NAF1: variants seen among roughly 807,000 people sequenced by gnomAD.
The protein encoded by NAF1 is nuclear assembly factor 1 ribonucleoprotein.
NAF1 carries 11 observed loss-of-function variants against 40.6 expected under a neutral mutation model. The ratio of observed to expected loss-of-function variants is 0.27; its 90% confidence interval spans 0.17 to 0.45. NAF1 has a LOEUF of 0.45. Ranked by LOEUF, NAF1 falls within the 20% of genes least tolerant of loss-of-function variation. The probability of loss-of-function intolerance (pLI) is 1.00; values close to 1 mark genes in which losing one functional copy is unlikely to be tolerated. For synonymous variants in NAF1, 260 were observed against 228.5 expected, an observed-to-expected ratio of 1.14 and a Z score of -1.24; for missense variants, 607 against 611.1, an observed-to-expected ratio of 0.99 and a Z score of 0.07.
chr4:163,122,215 T>C (rs1730537416), downstream of NAF1, among the ~76,000 whole-genome samples: 1 of 152,224 alleles, frequency 6.6e-6, no homozygotes, highest in Admixed American at 6.5e-5. Context: ...CACTTCTTTA[T>C]ATTTAATAAA....
intron 1 of NAF1, among the ~76,000 whole-genome samples, 159 bp from the exon 2 acceptor site, chr4:163,164,550 A>G (rs764701258): frequency 1.3e-5 from 2 of 151,808 alleles, no homozygotes; most frequent in African/African-American, 2.4e-5. Context: ...CAACTTTACT[A>G]CATGTTTACT....
Position 163,166,544 on chromosome 4 carries a change from C to T in NAF1, c.184G>A (p.Ala62Thr), listed in dbSNP as rs1244115091. 6.3e-7 allele frequency: 1 copy of T among 1,587,022 alleles called. No individual in the cohort carries two copies. The highest frequency in any genetic ancestry group is 8.6e-7 in the Non-Finnish European group (1 of 1,167,612). The change falls in exon 1 of 8, where the codon GCC (alanine) becomes ACC (threonine). Residue 62 changes from alanine to threonine, a missense_variant. Transcript: ENST00000274054. ...DAGQTVEVKP[A>T]GEQPLQPVLN... ...ACGGGCTGCAGAGGCTGCTCCCCGG[C>T]AGGCTTAACCTCCACGGTCTGCCCA...
chr4:163,143,914 T>C (rs79047852), intron 4 of NAF1: 163 of 502,906 alleles, frequency 3.2e-4, no homozygotes, highest in African/African-American at 3.1e-3. Flanking sequence ...AGTATTCTAA[T>C]CTATTAGTTA....
At chr4:163,161,161 T>C (rs1327501464) in intron 2 of NAF1, among the ~76,000 whole-genome samples, 2 of 151,884 alleles carry the variant, frequency 1.3e-5, no homozygotes, top group Non-Finnish European at 2.9e-5. Context: ...CTGAAATCCA[T>C]GTATAAGCTA....
intron 2 of NAF1, among the ~76,000 whole-genome samples, chr4:163,111,688 G>C (rs1398597946): frequency 3.3e-5 from 5 of 152,088 alleles, no homozygotes; most frequent in African/African-American, 1.2e-4. Context: ...TACCTTAAGA[G>C]ACAGGGAAAA....
chr4:163,137,029 G>T (rs1029842447), intron 6 of NAF1, among the ~76,000 whole-genome samples, 170 bp downstream of exon 6: 1 of 152,084 alleles, frequency 6.6e-6, no homozygotes, highest in Non-Finnish European at 1.5e-5. Context: ...TCACTGAAAG[G>T]TATGAAATAG....
intron 2 of NAF1, among the ~76,000 whole-genome samples, chr4:163,155,834 A>G (rs1254243234): frequency 6.6e-6 from 1 of 152,210 alleles, no homozygotes; most frequent in Admixed American, 6.5e-5. Flanking sequence ...AGGGGAAAAT[A>G]CGGCCAGAAA....
downstream of NAF1, among the ~76,000 whole-genome samples, chr4:163,125,123 G>A (rs1013630032): frequency 3.9e-5 from 6 of 152,102 alleles, no homozygotes; most frequent in Admixed American, 3.3e-4. Flanking sequence ...CACATCTGCT[G>A]TTTCCTTTTC....
rs186777371 is a variant in NAF1, at chr4:163,161,636, G to C, written c.540+2581C>G. On this transcript the variant is annotated intron_variant, in intron 2 of 7. Transcript: ENST00000274054. ...GCTGCCTTAGTTCCCAGCTGCTTTC[G>C]AATAAACTTCCATTTCTCCTGAGGT... Among the ~76,000 whole-genome samples the C allele has an allele frequency of 2.3e-4, 35 of 151,084 alleles. No homozygotes were observed. The East Asian group carries it at 6.2e-3, about 27-fold the overall frequency.
chr4:163,148,653 C>T (rs1283176980), intron 2 of NAF1, among the ~76,000 whole-genome samples: 1 of 152,126 alleles, frequency 6.6e-6, no homozygotes, highest in Non-Finnish European at 1.5e-5. Flanking sequence ...CAAGTATACA[C>T]CCCAAATTCA....
downstream of NAF1, among the ~76,000 whole-genome samples, chr4:163,106,631 T>C (rs1560771944): frequency 6.6e-6 from 1 of 152,158 alleles, no homozygotes; most frequent in African/African-American, 2.4e-5. Flanking sequence ...GTTTCTTATA[T>C]TAATACAGAA....
chr4:163,148,245 C>G, intron 3 of NAF1, 96 bp downstream of exon 3: 1 of 640,252 alleles, frequency 1.6e-6, no homozygotes. Flanking sequence ...GTGTTAATTA[C>G]GTATGTCAAA....
downstream of NAF1, among the ~76,000 whole-genome samples, chr4:163,123,047 TAAGAA>T (rs1193127893): frequency 6.6e-6 from 1 of 152,210 alleles, no homozygotes; most frequent in Non-Finnish European, 1.5e-5. Flanking sequence ...AGTAATTTAT[TAAGAA>T]AAGAGGTTTA....
chr4:163,161,090 A>G (rs1478102039), intron 2 of NAF1, among the ~76,000 whole-genome samples: 2 of 152,004 alleles, frequency 1.3e-5, no homozygotes, highest in Admixed American at 1.3e-4. Flanking sequence ...GAAATACAAC[A>G]CTAATTAGCC....
intron 2 of NAF1, chr4:163,157,580 C>A (rs1031928806): frequency 6.6e-6 from 1 of 151,650 alleles, no homozygotes; most frequent in African/African-American, 2.4e-5. Context: ...TATACTAGAT[C>A]CCAATAAAAA....
chr4:163,134,163 A>G (rs1019358753), intron 6 of NAF1, among the ~76,000 whole-genome samples: 3 of 152,142 alleles, frequency 2.0e-5, no homozygotes, highest in African/African-American at 7.2e-5. Context: ...CAGGCATTTT[A>G]TTATTCTATT....
At chr4:163,160,382 G>T (rs72697010) in intron 2 of NAF1, among the ~76,000 whole-genome samples, 10,203 of 147,038 alleles carry the variant, frequency 0.069, 407 homozygotes, top group Non-Finnish European at 0.092. Flanking sequence ...AAAAAACTGG[G>T]TTATAACCAC....
At chr4:163,121,843 T>C (rs1303218254), downstream of NAF1, among the ~76,000 whole-genome samples, 1 of 152,234 alleles carries the variant, frequency 6.6e-6, no homozygotes, top group East Asian at 1.9e-4. Flanking sequence ...CTCAGCCAGA[T>C]TGGGAAAGAC....
At chr4:163,153,674 T>A (rs1199727298) in intron 2 of NAF1, among the ~76,000 whole-genome samples, 4 of 152,156 alleles carry the variant, frequency 2.6e-5, no homozygotes, top group South Asian at 4.1e-4. Flanking sequence ...AGAACCTTTG[T>A]ATCTAGCTCA....
Sources: allele counts gnomAD v4.1 joint callset (sites outside exome capture counted in the v4.1 genomes callset), GRCh38; gene constraint gnomAD v4.1.1; transcripts MANE v1.5; gene names NCBI Gene and HGNC (gene_info 2026-07-23, HGNC 2026-07-21).